Variants in PCDHA7 observed in about 807,000 individuals in gnomAD.
PCDHA7 encodes the protein protocadherin alpha-7.
Under a neutral mutation model 57.2 loss-of-function variants are expected in PCDHA7, and 37 were observed. The observed-to-expected ratio is 0.65, with a 90% CI of 0.50 to 0.85. The LOEUF is 0.85. PCDHA7 is among the 40% of genes least tolerant of loss of function. The probability of loss-of-function intolerance (pLI) is 0.00; values close to 1 mark genes in which losing one functional copy is unlikely to be tolerated. For synonymous variants in PCDHA7, 553 were observed against 558.8 expected (o/e 0.99, Z 0.15); for missense variants, 1,188 against 1,241.8 (o/e 0.96, Z 0.65).
chr5:140,850,847 G>C (rs2150500244), intron 1 of PCDHA7: 5 of 1,596,668 alleles, frequency 3.1e-6, no homozygotes, highest in Non-Finnish European at 4.3e-6. Context: ...GATCTACAGA[G>C]CGAACGGGAG....
intron 1 of PCDHA7, among the ~76,000 whole-genome samples, chr5:140,932,599 A>G (rs2088459196): frequency 6.6e-6 from 1 of 151,912 alleles, no homozygotes; most frequent in Non-Finnish European, 1.5e-5. Context: ...TTGTATATCT[A>G]TTTTGACTTT....
Position 140,843,706 on chromosome 5 carries a change from T to C in PCDHA7, c.2355+6968T>C, listed in dbSNP as rs147955219. 3.2e-6 allele frequency: 5 copies of C among 1,580,440 alleles called. No homozygotes were observed. In the East Asian group the frequency reaches 1.1e-4, roughly 35 times the overall value. On this transcript the variant is annotated intron_variant, in intron 1 of 3. Transcript: ENST00000525929. ...AAGAGCAAGATTTAAATGTTGATCA[T>C]GGCCTCAAAGTAAGTCCATTTAAAT...
intron 1 of PCDHA7, chr5:140,876,299 A>G: frequency 1.2e-6 from 2 of 1,614,062 alleles, no homozygotes; most frequent in South Asian, 2.2e-5. Context: ...CTTAATGGAG[A>G]AATTTCCTAT....
intron 1 of PCDHA7, chr5:140,875,350 T>G (rs1465566736): frequency 6.9e-7 from 1 of 1,444,966 alleles, no homozygotes; most frequent in African/African-American, 1.4e-5. Flanking sequence ...CCATAATGAC[T>G]GTGATGCTGG....
chr5:140,917,937 T>C (rs2078442259), intron 1 of PCDHA7, among the ~76,000 whole-genome samples: 1 of 152,186 alleles, frequency 6.6e-6, no homozygotes, highest in Non-Finnish European at 1.5e-5. Flanking sequence ...AAAAATAATA[T>C]TGGTAGTTTG....
At chr5:140,888,488 C>T (rs1257053839) in intron 1 of PCDHA7, among the ~76,000 whole-genome samples, 2 of 152,204 alleles carry the variant, frequency 1.3e-5, no homozygotes, top group African/African-American at 2.4e-5. Context: ...TGTTGAGAAA[C>T]TCTGCTTTAA....
At chr5:140,888,234 G>A (rs1554183382) in intron 1 of PCDHA7, among the ~76,000 whole-genome samples, 2 of 152,250 alleles carry the variant, frequency 1.3e-5, no homozygotes, top group East Asian at 1.9e-4. Flanking sequence ...ATGTGTGTGC[G>A]TGTTCCTTTA....
chr5:140,846,000 G>GA (rs1346490644), intron 1 of PCDHA7, among the ~76,000 whole-genome samples: 2 of 149,558 alleles, frequency 1.3e-5, no homozygotes, highest in Admixed American at 6.7e-5. Context: ...GTGGTGGAAT[G>GA]AAAAAAATCT....
At chr5:140,885,328 A>G (rs2060562963) in intron 1 of PCDHA7, among the ~76,000 whole-genome samples, 1 of 152,114 alleles carries the variant, frequency 6.6e-6, no homozygotes, top group Non-Finnish European at 1.5e-5. Context: ...TTCTTTTCCA[A>G]AGTTTGAAGG....
intron 1 of PCDHA7, among the ~76,000 whole-genome samples, chr5:140,900,156 T>G (rs1219079675): frequency 3.3e-5 from 5 of 152,180 alleles, no homozygotes; most frequent in African/African-American, 1.2e-4. Flanking sequence ...CATACGATAT[T>G]TGTCTTTCTG....
At chr5:140,912,679 T>G (rs367681467) in intron 1 of PCDHA7, among the ~76,000 whole-genome samples, 3 of 152,334 alleles carry the variant, frequency 2.0e-5, no homozygotes, top group South Asian at 4.1e-4. Context: ...CCTTGACTTA[T>G]TCCAGGTCTC....
Position 141,011,113 on chromosome 5 carries a change from GAAAC to G in PCDHA7, c.*1179_*1182del, listed in dbSNP as rs1378492452. 6.5e-6 allele frequency: 1 copy of G among 153,504 alleles called. No homozygotes were observed. The highest frequency in any genetic ancestry group is 2.4e-5 in the African/African-American group (1 of 41,342). 9.5% of individuals were successfully genotyped at this position (153,504 alleles called of 1,614,324 possible). A position where few individuals can be genotyped will look rare whatever the true frequency, so the allele number is the denominator to read the frequency against. ...TTCTCTCTCTCTCTCTCTTTTCTAA[GAAAC>G]AATTATGTGCACTTTGATACACAAC... On this transcript the variant is annotated 3_prime_UTR_variant, in exon 4 of 4. Coordinates refer to ENST00000525929, the MANE Select transcript of PCDHA7 (RefSeq NM_018910.3).
rs2150410181 is a variant in PCDHA7 at position 140,848,414 on chromosome 5, C to A, written c.2355+11676C>A. On this transcript the variant is annotated intron_variant, in intron 1 of 3. Transcript: ENST00000525929. ...CTGTGCTGAACGATGGCGAACACAGCAGAATGGGACTGACGAAATCAGATG... is the reference window on the plus strand; with the variant it reads ...CTGTGCTGAACGATGGCGAACACAGAAGAATGGGACTGACGAAATCAGATG... The A allele has an allele frequency of 1.2e-3, 1,716 of 1,381,822 alleles. 109 individuals carry two copies. The African/African-American group carries it at 0.021, about 17-fold the overall frequency. The allele number at this position is 1,381,822 out of a possible 1,614,324, so 85.6% of individuals were successfully genotyped here. A position where few individuals can be genotyped will look rare whatever the true frequency, so the allele number is the denominator to read the frequency against.
intron 1 of PCDHA7, among the ~76,000 whole-genome samples, chr5:140,908,828 A>C (rs1490004627): frequency 6.6e-6 from 1 of 152,176 alleles, no homozygotes; most frequent in Non-Finnish European, 1.5e-5. Context: ...GTTACTCGAT[A>C]AATGGGCTGG....
intron 1 of PCDHA7, chr5:140,842,143 T>C: frequency 6.2e-7 from 1 of 1,613,830 alleles, no homozygotes; most frequent in Non-Finnish European, 8.5e-7. Flanking sequence ...AAGGAGCCAA[T>C]GGGGCAATTT....
chr5:140,841,800 C>A, intron 1 of PCDHA7: 1 of 1,613,890 alleles, frequency 6.2e-7, no homozygotes, highest in South Asian at 1.1e-5. Flanking sequence ...GCGTCCGATG[C>A]AGATGTTGGA....
chr5:140,965,954 C>A lies in PCDHA7; in HGVS notation c.2356-12995C>A, dbSNP rs567785452. Among the ~76,000 whole-genome samples the A allele has an allele frequency of 9.8e-4, 149 of 152,300 alleles. 1 individual carries two copies. The highest frequency in any genetic ancestry group is 1.7e-3 in the Non-Finnish European group (115 of 68,034). The stretch of plus-strand genomic sequence containing the variant: ...GGAAAGAGGGCAGCATTTGCCATCC[C>A]CCTCCTTTTGCCCTAGGAGTTGAGC... On this transcript the variant is annotated intron_variant, in intron 1 of 3. Coordinates refer to ENST00000525929, the MANE Select transcript of PCDHA7 (RefSeq NM_018910.3).
At chr5:140,921,500 A>G (rs2080246724) in intron 1 of PCDHA7, among the ~76,000 whole-genome samples, 1 of 152,210 alleles carries the variant, frequency 6.6e-6, no homozygotes, top group Admixed American at 6.5e-5. Context: ...AGTTTATTAG[A>G]TAGTGCCTAA....
At chr5:140,867,774 G>A (rs937544863) in intron 1 of PCDHA7, 2 of 151,934 alleles carry the variant, frequency 1.3e-5, no homozygotes, top group African/African-American at 4.8e-5. Flanking sequence ...ACTCTCATAA[G>A]CAATTCCTGT....
Sources: gnomAD v4.1 joint callset for allele counts (sites outside exome capture counted in the v4.1 genomes callset) on GRCh38, gnomAD v4.1.1 for gene constraint, MANE v1.5 for transcripts, NCBI Gene and HGNC (gene_info 2026-07-23, HGNC 2026-07-21) for gene names.